Variants in ABCA1 observed in about 807,000 individuals in gnomAD.
ABCA1 encodes the protein phospholipid-transporting ATPase ABCA1.
In ABCA1, 133 loss-of-function variants were observed where a neutral mutation model predicts 262.5. The ratio of observed to expected loss-of-function variants is 0.51; its 90% CI spans 0.44 to 0.59. The LOEUF is 0.59. Among genes scored for constraint, ABCA1 ranks in the 20% least tolerant of loss-of-function variants. ABCA1 has a pLI of 0.00. For synonymous variants in ABCA1, 1,022 were observed against 1,043.5 expected (o/e 0.98, Z 0.40); for missense variants, 2,452 against 2,777.5 (o/e 0.88, Z 2.63).
chr9:104,918,770 T>TA (rs1228947647), intron 1 of ABCA1, among the ~76,000 whole-genome samples: 1 of 152,158 alleles, frequency 6.6e-6, no homozygotes, highest in Non-Finnish European at 1.5e-5. Context: ...GGGCCTTCAC[T>TA]TTCTCCCTGC....
intron 42 of ABCA1, 91 bp from the exon 43 acceptor site, chr9:104,792,089 ACTG>A: frequency 1.8e-6 from 2 of 1,120,528 alleles, no homozygotes; most frequent in Non-Finnish European, 2.6e-6. Flanking sequence ...AACCACATAC[ACTG>A]CAACATAAGA....
intron 40 of ABCA1, 73 bp downstream of exon 40, chr9:104,794,314 A>T: frequency 6.2e-7 from 1 of 1,610,016 alleles, no homozygotes; most frequent in Non-Finnish European, 8.5e-7. Flanking sequence ...TTTCCAAAAC[A>T]AAGTTCAGGG....
chr9:104,862,645 G>GGCCCCCCAC (rs1564197978), intron 5 of ABCA1, among the ~76,000 whole-genome samples: 1 of 1,350 alleles, frequency 7.4e-4, no homozygotes, highest in African/African-American at 3.2e-3. Context: ...GGGCCGGGCC[G>GGCCCCCCAC]GGCCGGGCCG....
intron 5 of ABCA1, among the ~76,000 whole-genome samples, chr9:104,866,433 C>T (rs1377985724): frequency 6.6e-6 from 1 of 152,014 alleles, no homozygotes; most frequent in African/African-American, 2.4e-5. Context: ...AGGAAGCCTG[C>T]CCTGGCCTTC....
rs1259928828 is a variant in ABCA1 at position 104,862,664 on chromosome 9, C to CGGGCAGGGCAGGGCA, written c.422-865_422-864insTGCCCTGCCCTGCCC. Among the ~76,000 whole-genome samples the CGGGCAGGGCAGGGCA allele has an allele frequency of 5.7e-4, 4 of 7,066 alleles. 1 individual carries two copies. Among genetic ancestry groups the CGGGCAGGGCAGGGCA allele is most frequent in the African/African-American group, 1.6e-3 (3 of 1,828 alleles). 4.6% of individuals were successfully genotyped at this position (7,066 alleles called of 152,430 possible). On this transcript the variant is annotated intron_variant, in intron 5 of 49. Coordinates refer to ENST00000374736, the MANE Select transcript of ABCA1 (RefSeq NM_005502.4). ...CGGGCCGGGCCGGGCCGGGCCGGGC[C>CGGGCAGGGCAGGGCA]GGGCCGGGCCGGGCCGGGCCGGGCC...
chr9:104,856,738 G>A (rs1040173748), intron 7 of ABCA1, among the ~76,000 whole-genome samples: 2 of 152,210 alleles, frequency 1.3e-5, no homozygotes, highest in African/African-American at 4.8e-5. Context: ...AAATTACAAT[G>A]TCTTCTAAAA....
rs1197355076 is a variant in ABCA1 at position 104,822,536 on chromosome 9, A to T, written c.2788T>A (p.Ser930Thr). The T allele has an allele frequency of 1.2e-6, 2 of 1,613,946 alleles. No individual in the cohort carries two copies. Among genetic ancestry groups the T allele is most frequent in the Non-Finnish European group, 1.7e-6 (2 of 1,179,976 alleles). Residue 930 changes from serine to threonine, a missense_variant, in exon 19 of 50, where the codon TCC (serine) becomes ACC (threonine). By Grantham distance (58) the Ser-to-Thr change is moderately conservative. Transcript: ENST00000374736. ...ALNFYEGQITSFLGHNGAGKT... is the reference protein window; with the variant it reads ...ALNFYEGQITTFLGHNGAGKT... The stretch of plus-strand genomic sequence containing the variant: ...CCCGCTCCATTGTGGCCCAGGAAGG[A>T]GGTGATCTGGCCCTCATAAAAATTC...
At chr9:104,872,182 T>C (rs1310458311) in intron 5 of ABCA1, among the ~76,000 whole-genome samples, 3 of 152,182 alleles carry the variant, frequency 2.0e-5, no homozygotes, top group Admixed American at 6.5e-5. Flanking sequence ...GAACAGCCTA[T>C]AAAGAAACGT....
intron 2 of ABCA1, among the ~76,000 whole-genome samples, chr9:104,895,219 G>A (rs1049011515): frequency 2.0e-5 from 3 of 152,312 alleles, no homozygotes; most frequent in African/African-American, 7.2e-5. Context: ...TTTAAAAGGC[G>A]TTTCTCACCA....
rs755413622 is a variant in ABCA1 at position 104,793,251 on chromosome 9, G to A, written c.5556C>T (p.Asn1852=). 3.7e-6 allele frequency: 6 copies of A among 1,614,038 alleles called. No individual in the cohort carries two copies. Among genetic ancestry groups the A allele is most frequent in the South Asian group, 1.1e-5 (1 of 91,078 alleles). The change falls in exon 41 of 50, where the codon AAC becomes AAT. Residue 1852 remains asparagine (N), a synonymous_variant. Coordinates refer to ENST00000374736, the MANE Select transcript of ABCA1 (RefSeq NM_005502.4). ...SPLSWDLVGR[N]LFAMAVEGVV... ...CCCCTTCCACGGCCATGGCGAAGAG[G>A]TTTCGTCCCACCAAGTCCCAAGATA...
At chr9:104,870,379 C>A (rs4149276) in intron 5 of ABCA1, among the ~76,000 whole-genome samples, 1 of 152,200 alleles carries the variant, frequency 6.6e-6, no homozygotes, top group South Asian at 2.1e-4. Flanking sequence ...GCCAGAGGGT[C>A]GGGTGAGCAG....
At chr9:104,833,595 GC>G (rs1387741578) in intron 11 of ABCA1, among the ~76,000 whole-genome samples, 2 of 152,132 alleles carry the variant, frequency 1.3e-5, no homozygotes, top group African/African-American at 4.8e-5. Context: ...GAAAGCATAG[GC>G]CCTCTGTTTC....
chr9:104,843,900 C>T (rs1387774050), intron 8 of ABCA1, among the ~76,000 whole-genome samples: 1 of 152,034 alleles, frequency 6.6e-6, no homozygotes, highest in Non-Finnish European at 1.5e-5. Flanking sequence ...CCTTGCTTGT[C>T]CTGGACCAGG....
At chr9:104,851,880 A>G (rs1835413113) in intron 7 of ABCA1, among the ~76,000 whole-genome samples, 1 of 152,270 alleles carries the variant, frequency 6.6e-6, no homozygotes, top group African/African-American at 2.4e-5. Flanking sequence ...TAATATTACA[A>G]TGCATTAGGA....
Position 104,845,571 on chromosome 9 carries a change from TGTAATGAGAAAGAAAAC to T in ABCA1, c.721-19_721-3del. ...GGGAGATGTAGAGTTTAGTGTTCTC[TGTAATGAGAAAGAAAAC>T]TTTGTTTCTGAATTCAAATGTAAAC... is the stretch of plus-strand genomic sequence containing the variant. On this transcript the variant is annotated splice_polypyrimidine_tract_variant and splice_region_variant and intron_variant, in intron 7 of 49. Coordinates refer to ENST00000374736, the MANE Select transcript of ABCA1 (RefSeq NM_005502.4). 6.2e-7 allele frequency: 1 copy of T among 1,605,472 alleles called. No individual in the cohort carries two copies.
chr9:104,805,541 C>A (rs1830687493), intron 31 of ABCA1, among the ~76,000 whole-genome samples: 1 of 152,166 alleles, frequency 6.6e-6, no homozygotes. Flanking sequence ...TGGCTCAGGA[C>A]TCCTTCCCAA....
chr9:104,797,993 C>T (rs976404076), intron 37 of ABCA1, among the ~76,000 whole-genome samples: 1 of 152,154 alleles, frequency 6.6e-6, no homozygotes, highest in Admixed American at 6.5e-5. Flanking sequence ...AACATATTTG[C>T]AATGGATGGA....
At chr9:104,869,555 A>AAGTGCTC (rs1837412906) in intron 5 of ABCA1, among the ~76,000 whole-genome samples, 1 of 152,088 alleles carries the variant, frequency 6.6e-6, no homozygotes, top group African/African-American at 2.4e-5. Flanking sequence ...AGAATAGACG[A>AAGTGCTC]TGCCTGCTTC....
At position 104,830,991 on chromosome 9, in the gene ABCA1, G is replaced by A. The variant is rs755276277; in HGVS notation, c.1826C>T (p.Thr609Met). 5.2e-5 allele frequency: 84 copies of A among 1,613,680 alleles called. No homozygotes were observed. The highest frequency in any genetic ancestry group is 6.4e-5 in the Non-Finnish European group (76 of 1,179,968). The stretch of plus-strand genomic sequence containing the variant: ...GACACCAGTTTTCTTCTCGGTGCCC[G>A]TCAGCACCCTGATGATTGCCTGCTC... ...VVEQAIIRVL[T>M]GTEKKTGVYM... Residue 609 changes from threonine (T) to methionine (M), a missense_variant, in exon 14 of 50, where the codon ACG (threonine) becomes ATG (methionine). Transcript: ENST00000374736.
Sources: gnomAD v4.1 joint callset for allele counts (sites outside exome capture counted in the v4.1 genomes callset) on GRCh38, gnomAD v4.1.1 for gene constraint, MANE v1.5 for transcripts, NCBI Gene and HGNC (gene_info 2026-07-23, HGNC 2026-07-21) for gene names.